Variants in LAMA5 observed in about 807,000 individuals in gnomAD.
The protein encoded by LAMA5 is laminin subunit alpha 5.
Under a neutral mutation model 433.4 loss-of-function variants are expected in LAMA5, and 260 were observed. That is an observed-to-expected ratio of 0.60 (90% CI 0.54 to 0.66). LAMA5 has a LOEUF of 0.66. LAMA5 is among the 30% of genes least tolerant of loss of function. The probability of loss-of-function intolerance (pLI) is 0.00; values close to 1 mark genes in which losing one functional copy is unlikely to be tolerated. For synonymous variants in LAMA5, 2,620 were observed against 2,226.6 expected, an observed-to-expected ratio of 1.18 and a Z score of -4.97; for missense variants, 5,378 against 5,258.5, an observed-to-expected ratio of 1.02 and a Z score of -0.70.
At chr20:62,326,838 C>T (rs766754709) in intron 39 of LAMA5, 27 bp downstream of exon 39, 1 of 1,603,620 alleles carries the variant, frequency 6.2e-7, no homozygotes, top group Non-Finnish European at 8.5e-7. Context: ...ACCCAACCAC[C>T]CTGCCACATC....
chr20:62,316,270 C>A (rs1336811756), intron 57 of LAMA5: 1 of 592,564 alleles, frequency 1.7e-6, no homozygotes. Context: ...CCACTGCAGG[C>A]ATAGCTGTCC....
In LAMA5 at chr20:62,333,987, A is replaced by G. The variant is rs775266058; in HGVS notation, c.2792T>C (p.Val931Ala). 1 of 1,612,754 alleles carries G rather than the reference A, an allele frequency of 6.2e-7. No individual in the cohort carries two copies. The highest frequency in any genetic ancestry group is 8.5e-7 in the Non-Finnish European group (1 of 1,179,870). The change falls in exon 23 of 80, where the codon GTC becomes GCC. Residue 931 changes from valine (V) to alanine (A), a missense_variant. Coordinates refer to ENST00000252999, the MANE Select transcript of LAMA5 (RefSeq NM_005560.6). Reference protein sequence around the residue: ...NLTSPDLFWLVFRYVNRGAMS... With the variant: ...NLTSPDLFWLAFRYVNRGAMS... ...GGCCCCCCGGTTGACGTATCGGAAG[A>G]CGAGCCAGAAAAGGTCAGGGGAGGT... is the stretch of plus-strand genomic sequence containing the variant.
chr20:62,327,700 G>C (rs771053855), intron 36 of LAMA5, 31 bp from the exon 37 acceptor site: 4 of 1,604,390 alleles, frequency 2.5e-6, no homozygotes, highest in Non-Finnish European at 3.4e-6. Flanking sequence ...AGAGTGGTCG[G>C]CAGGTGCCAG....
chr20:62,309,209 A>G lies in LAMA5; in HGVS notation c.*127T>C, dbSNP rs377011149. ...TTTCGTTTAAGAAGCTATAACTTAAACCATCTTCAGAAACAAGATCTGTCA... is the reference window on the plus strand; with the variant it reads ...TTTCGTTTAAGAAGCTATAACTTAAGCCATCTTCAGAAACAAGATCTGTCA... On this transcript the variant is annotated 3_prime_UTR_variant, in exon 80 of 80. Coordinates refer to ENST00000252999, the MANE Select transcript of LAMA5 (RefSeq NM_005560.6). 1.3e-5 allele frequency: 12 copies of G among 955,628 alleles called. No individual in the cohort carries two copies. In the South Asian group the frequency reaches 2.0e-4, roughly 16 times the overall value. 59.2% of individuals were successfully genotyped at this position (955,628 alleles called of 1,614,324 possible).
rs1214853740 is a variant in LAMA5, at chr20:62,333,484, G to C, written c.3022-3C>G. 6.2e-7 allele frequency: 1 copy of C among 1,610,212 alleles called. No individual in the cohort carries two copies. The highest frequency in any genetic ancestry group is 1.3e-5 in the African/African-American group (1 of 74,868). ...CTAGGCAGCAGAACCACGTAGTCCT[G>C]CAGGGTGGAGGTGGTGCTGAGAGTG... On this transcript the variant is annotated splice_region_variant and splice_polypyrimidine_tract_variant and intron_variant, in intron 24 of 79. Coordinates refer to ENST00000252999, the MANE Select transcript of LAMA5 (RefSeq NM_005560.6).
chr20:62,316,327 G>A (rs550669161), intron 57 of LAMA5: 18 of 561,508 alleles, frequency 3.2e-5, no homozygotes, highest in African/African-American at 1.9e-4. Flanking sequence ...ACAGCCCTCT[G>A]GTCCTAGCAG....
In LAMA5 at chr20:62,333,976, C is replaced by T. The variant is rs771922439; in HGVS notation, c.2803G>A (p.Val935Ile). The T allele has an allele frequency of 2.2e-5, 35 of 1,612,774 alleles. No individual in the cohort carries two copies. Among genetic ancestry groups the T allele is most frequent in the East Asian group, 1.1e-4 (5 of 44,886 alleles). ...PDLFWLVFRY[V>I]NRGAMSVSGR... ...CTCACACTCATGGCCCCCCGGTTGA[C>T]GTATCGGAAGACGAGCCAGAAAAGG... Residue 935 changes from valine (V) to isoleucine (I), a missense_variant, in exon 23 of 80, where the codon GTC becomes ATC. Transcript: ENST00000252999.
intron 2 of LAMA5, among the ~76,000 whole-genome samples, chr20:62,354,244 G>T (rs1216840380): frequency 1.3e-5 from 2 of 151,830 alleles, no homozygotes; most frequent in African/African-American, 4.8e-5. Flanking sequence ...ACCCTCAGCT[G>T]CGGACATCTC....
chr20:62,339,228 TTTC>T (rs1484342958), intron 11 of LAMA5, among the ~76,000 whole-genome samples: 3 of 124,944 alleles, frequency 2.4e-5, no homozygotes. Flanking sequence ...CAAATTATAG[TTTC>T]TTTTTTTTTT....
intron 1 of LAMA5, among the ~76,000 whole-genome samples, chr20:62,363,885 C>T (rs1388971809): frequency 6.6e-6 from 1 of 152,158 alleles, no homozygotes; most frequent in Non-Finnish European, 1.5e-5. Flanking sequence ...CCCACAGGCT[C>T]CCAAGACCCC....
chr20:62,321,746 GTGGAGGGGTGGGGT>G (rs1271449301), intron 48 of LAMA5, among the ~76,000 whole-genome samples: 61 of 137,394 alleles, frequency 4.4e-4, no homozygotes, highest in African/African-American at 8.1e-4. Context: ...GGTGGGGCCA[GTGGAGGGGTGGGGT>G]CAGTGGGGGA....
chr20:62,323,616 T>A lies in LAMA5; in HGVS notation c.5904A>T (p.Pro1968=). The A allele has an allele frequency of 6.2e-7, 1 of 1,611,546 alleles. No homozygotes were observed. Among genetic ancestry groups the A allele is most frequent in the Non-Finnish European group, 8.5e-7 (1 of 1,179,460 alleles). The change falls in exon 45 of 80, where the codon CCA becomes CCT. Residue 1968 remains proline (P), a synonymous_variant. Coordinates refer to ENST00000252999, the MANE Select transcript of LAMA5 (RefSeq NM_005560.6). The part of the protein sequence containing the change: ...NPLVLGSSCQ[P]CDCSGNGDPN... The stretch of plus-strand genomic sequence containing the variant: ...GGTCACCGTTGCCGCTGCAGTCGCA[T>A]GGCTGGCAGGAGCTGCCCAGCACCA...
At chr20:62,316,471 T>C in intron 57 of LAMA5, 200 bp downstream of exon 57, 1 of 531,702 alleles carries the variant, frequency 1.9e-6, no homozygotes, top group Non-Finnish European at 3.3e-6. Context: ...CGCAGGAGGC[T>C]GCTCCTCCCT....
intron 46 of LAMA5, 31 bp downstream of exon 46, chr20:62,322,627 C>A: frequency 7.5e-7 from 1 of 1,334,594 alleles, no homozygotes; most frequent in South Asian, 1.3e-5. Context: ...TAGGCCCCAC[C>A]CACCCAGCCC....
chr20:62,310,164 TCTGCCA>T lies in LAMA5; in HGVS notation c.10734+8_10734+13del. 3.7e-6 allele frequency: 6 copies of T among 1,612,222 alleles called. No homozygotes were observed. Among genetic ancestry groups the T allele is most frequent in the Non-Finnish European group, 5.1e-6 (6 of 1,179,950 alleles). On this transcript the variant is annotated splice_region_variant and intron_variant, in intron 77 of 79. Coordinates refer to ENST00000252999, the MANE Select transcript of LAMA5 (RefSeq NM_005560.6). Reference sequence around the variant, plus strand: ...GCAAACCCTGCCCTGGCACGCCACCTCTGCCAGGCTTACTTGCTTCTCGGTCACCTG... The same window carrying T: ...GCAAACCCTGCCCTGGCACGCCACCTGGCTTACTTGCTTCTCGGTCACCTG...
chr20:62,357,717 C>T (rs1985453093), intron 2 of LAMA5, among the ~76,000 whole-genome samples: 1 of 152,358 alleles, frequency 6.6e-6, no homozygotes, highest in Middle Eastern at 3.4e-3. Context: ...GGTTGGACGC[C>T]GCCATGCCCA....
In LAMA5 at chr20:62,359,928, TGCCAGCC is replaced by T; in HGVS notation, c.450+2465_450+2471del. ...AGCAGGAAGCCTTCCCGATGCCCAG[TGCCAGCC>T]GCCCCCACCCCCGTCCCAGGGCATC... On this transcript the variant is annotated intron_variant, in intron 2 of 79. Transcript: ENST00000252999. The surrounding 1 kb of genome is among the most constrained non-coding windows in gnomAD (Gnocchi z 4.3). Among the ~76,000 whole-genome samples, 1 of 151,664 alleles carries T rather than the reference TGCCAGCC, an allele frequency of 6.6e-6. No homozygotes were observed. Among genetic ancestry groups the T allele is most frequent in the South Asian group, 2.1e-4 (1 of 4,776 alleles).
At chr20:62,353,108 C>A in intron 3 of LAMA5, 26 bp downstream of exon 3, 3 of 1,520,930 alleles carry the variant, frequency 2.0e-6, no homozygotes, top group South Asian at 1.2e-5. Context: ...CCTCTCCCCC[C>A]AGGCCCCACG....
At chr20:62,347,812 T>C (rs1194171178) in intron 6 of LAMA5, among the ~76,000 whole-genome samples, 3 of 152,210 alleles carry the variant, frequency 2.0e-5, no homozygotes, top group Non-Finnish European at 2.9e-5. Flanking sequence ...GTCCAGTCCA[T>C]GAGGATTAGA....
Sources: allele counts gnomAD v4.1 joint callset (sites outside exome capture counted in the v4.1 genomes callset), GRCh38; gene constraint gnomAD v4.1.1; non-coding constraint Gnocchi (gnomAD v3.1); transcripts MANE v1.5; gene names NCBI Gene and HGNC (gene_info 2026-07-23, HGNC 2026-07-21).